The following SH3RF3 variants were observed in gnomAD, a reference collection of about 807,000 sequenced individuals.
SH3RF3 encodes SH3 domain containing ring finger 3, also known as E3 ubiquitin-protein ligase SH3RF3.
In SH3RF3, 29 loss-of-function variants were observed where a neutral mutation model predicts 66.3. The observed-to-expected ratio is 0.44, with a 90% confidence interval of 0.33 to 0.60. The LOEUF (loss-of-function observed/expected upper bound fraction) is 0.60, where lower values mean the gene tolerates loss of function less well. Ranked by LOEUF, SH3RF3 falls within the 20% of genes least tolerant of loss-of-function variation. SH3RF3 has a pLI of 0.04. For synonymous variants in SH3RF3, 583 were observed against 532.0 expected (o/e 1.10, Z -1.32); for missense variants, 1,194 against 1,190.9 (o/e 1.00, Z -0.04).
intron 4 of SH3RF3, among the ~76,000 whole-genome samples, chr2:109,400,719 C>A (rs1056177807): frequency 6.6e-6 from 1 of 152,238 alleles, no homozygotes; most frequent in Non-Finnish European, 1.5e-5. Context: ...TGCACACACA[C>A]AAACGCTGGC....
At chr2:109,188,206 C>T in intron 1 of SH3RF3, among the ~76,000 whole-genome samples, 1 of 152,244 alleles carries the variant, frequency 6.6e-6, no homozygotes, top group Admixed American at 6.5e-5. Context: ...GAAGGGCTTT[C>T]CTGCTGCAGC....
chr2:109,447,147 TAAAAAAAAA>T (rs61240132), intron 7 of SH3RF3, among the ~76,000 whole-genome samples: 3 of 82,704 alleles, frequency 3.6e-5, no homozygotes, highest in Non-Finnish European at 8.1e-5. Flanking sequence ...CCTGAATATT[TAAAAAAAAA>T]AAAAAAAAAA....
rs775607861 is a variant in SH3RF3 at position 109,398,750 on chromosome 2, G to A, written c.1106G>A (p.Arg369His). ...SSGAVSAFQRRVDGKKNTKKR... is the reference protein window; with the variant it reads ...SSGAVSAFQRHVDGKKNTKKR... The stretch of plus-strand genomic sequence containing the variant: ...GGGGCGGTCAGTGCCTTTCAGCGGC[G>A]TGTGGATGGCAAGAAGAACACCAAG... Residue 369 changes from arginine (R) to histidine (H), a missense_variant, in exon 4 of 10, where the codon CGT (arginine) becomes CAT (histidine). Arg to His is a conservative substitution (Grantham distance 29). Transcript: ENST00000309415. The A allele has an allele frequency of 1.3e-5, 21 of 1,613,454 alleles. No homozygotes were observed. The highest frequency in any genetic ancestry group is 2.2e-5 in the East Asian group (1 of 44,868).
At chr2:109,286,653 CA>C (rs1681036088) in intron 1 of SH3RF3, among the ~76,000 whole-genome samples, 1 of 152,194 alleles carries the variant, frequency 6.6e-6, no homozygotes, top group African/African-American at 2.4e-5. Flanking sequence ...AGCTCTGAAG[CA>C]GGAATCTTTT....
intron 8 of SH3RF3, among the ~76,000 whole-genome samples, chr2:109,470,950 T>A (rs1015391186): frequency 6.6e-6 from 1 of 152,172 alleles, no homozygotes; most frequent in Non-Finnish European, 1.5e-5. Context: ...CTGGGTGCGG[T>A]GGCTCACGCC....
intron 1 of SH3RF3, among the ~76,000 whole-genome samples, chr2:109,338,620 C>A (rs150468459): frequency 4.6e-5 from 7 of 152,116 alleles, no homozygotes; most frequent in Non-Finnish European, 5.9e-5. Flanking sequence ...TGCAGTGGTA[C>A]GATCTTGGCT....
intron 1 of SH3RF3, among the ~76,000 whole-genome samples, chr2:109,270,680 G>A (rs1186736689): frequency 6.6e-6 from 1 of 152,196 alleles, no homozygotes; most frequent in Non-Finnish European, 1.5e-5. Flanking sequence ...CCCCGTATCT[G>A]GGCCACGCAG....
chr2:109,400,395 CGCACATAT>C (rs758246765), intron 4 of SH3RF3, among the ~76,000 whole-genome samples: 18 of 152,276 alleles, frequency 1.2e-4, no homozygotes, highest in African/African-American at 3.4e-4. Flanking sequence ...TACACATGCA[CGCACATAT>C]ACACATATAC....
intron 8 of SH3RF3, among the ~76,000 whole-genome samples, chr2:109,474,560 T>G (rs535956625): frequency 8.5e-5 from 13 of 152,152 alleles, no homozygotes; most frequent in Non-Finnish European, 1.8e-4. Context: ...CGCACGGGGC[T>G]TATAGCCATG....
intron 8 of SH3RF3, among the ~76,000 whole-genome samples, chr2:109,478,637 G>C (rs1030572075): frequency 6.6e-6 from 1 of 152,176 alleles, no homozygotes. Flanking sequence ...TTGTTGGAAT[G>C]CGCTTTCATT....
intron 1 of SH3RF3, among the ~76,000 whole-genome samples, chr2:109,268,506 T>C (rs888402264): frequency 3.3e-5 from 5 of 152,308 alleles, no homozygotes. Context: ...AAGCAACCTC[T>C]GTCCAGCAGG....
At chr2:109,397,898 G>A (rs1573219242) in intron 3 of SH3RF3, among the ~76,000 whole-genome samples, 2 of 152,216 alleles carry the variant, frequency 1.3e-5, no homozygotes, top group South Asian at 4.1e-4. Flanking sequence ...TGCGCACAAC[G>A]CCTGCTATCT....
At chr2:109,303,329 G>T (rs1218264351) in intron 1 of SH3RF3, among the ~76,000 whole-genome samples, 4 of 152,244 alleles carry the variant, frequency 2.6e-5, no homozygotes, top group African/African-American at 9.6e-5. Flanking sequence ...CTCTGGCAGG[G>T]TTAAGACAAG....
intron 1 of SH3RF3, chr2:109,141,674 A>G (rs1410608979): frequency 6.5e-6 from 1 of 154,792 alleles, no homozygotes; most frequent in African/African-American, 2.4e-5. Flanking sequence ...GTGTGTCTTG[A>G]CAGAAGAGTT....
intron 8 of SH3RF3, among the ~76,000 whole-genome samples, chr2:109,469,989 C>T (rs1291986685): frequency 6.6e-6 from 1 of 152,206 alleles, no homozygotes; most frequent in Non-Finnish European, 1.5e-5. Context: ...TACGCTTGAT[C>T]CTGCAAGCTG....
At chr2:109,387,867 G>C (rs1268009965) in intron 3 of SH3RF3, among the ~76,000 whole-genome samples, 2 of 150,672 alleles carry the variant, frequency 1.3e-5, no homozygotes, top group South Asian at 4.2e-4. Context: ...TTGGGGGGGG[G>C]GTCTCCTCCC....
In SH3RF3 at chr2:109,355,263, T is replaced by G. The variant is rs530988090; in HGVS notation, c.849+7314T>G. On this transcript the variant is annotated intron_variant, in intron 2 of 9. Transcript: ENST00000309415. ...AGAGAAATTATGTTGTGGAAACAAG[T>G]TTCATTCATAAAATTCTTGAATGCT... Among the ~76,000 whole-genome samples, 4 of 152,316 alleles carry G rather than the reference T, an allele frequency of 2.6e-5. No homozygotes were observed. In the South Asian group the frequency reaches 6.2e-4, roughly 24 times the overall value.
intron 9 of SH3RF3, among the ~76,000 whole-genome samples, chr2:109,500,977 A>T (rs1679370481): frequency 6.6e-6 from 1 of 152,170 alleles, no homozygotes; most frequent in Non-Finnish European, 1.5e-5. Flanking sequence ...TTACATAAAC[A>T]ATGTTCCAAG....
At chr2:109,469,462 G>A (rs1242725696) in intron 8 of SH3RF3, among the ~76,000 whole-genome samples, 1 of 152,232 alleles carries the variant, frequency 6.6e-6, no homozygotes, top group African/African-American at 2.4e-5. Context: ...AGTAATGCCT[G>A]TTGTGCAGGG....
Sources: gnomAD v4.1 joint callset for allele counts (sites outside exome capture counted in the v4.1 genomes callset) on GRCh38, gnomAD v4.1.1 for gene constraint, MANE v1.5 for transcripts, NCBI Gene and HGNC (gene_info 2026-07-23, HGNC 2026-07-21) for gene names.